Variants in COL13A1 observed in about 807,000 individuals in gnomAD.
The protein encoded by COL13A1 is collagen type XIII alpha 1 chain.
A neutral mutation model predicts 130.9 loss-of-function variants in COL13A1; 89 were observed. That is an observed-to-expected ratio of 0.68 (90% CI 0.57 to 0.81). COL13A1 has a LOEUF of 0.81. COL13A1 is among the 30% of genes least tolerant of loss of function. The pLI is 0.00. For synonymous variants in COL13A1, 402 were observed against 341.6 expected (o/e 1.18, Z -1.95); for missense variants, 879 against 934.6 (o/e 0.94, Z 0.78).
rs554891945 is a variant in COL13A1 at position 69,820,604 on chromosome 10, G to A, written c.295-1765G>A. On this transcript the variant is annotated intron_variant, in intron 1 of 40. Transcript: ENST00000645393. Reference sequence around the variant, plus strand: ...CTGGGGGCTCATTTGTTTGCCCAGCGGCCGCTCTGTGCCCACCTGTACCTT... The same window carrying A: ...CTGGGGGCTCATTTGTTTGCCCAGCAGCCGCTCTGTGCCCACCTGTACCTT... 5.3e-5 allele frequency among the ~76,000 whole-genome samples: 8 copies of A among 152,272 alleles called. No homozygotes were observed. In the South Asian group the frequency reaches 6.2e-4, roughly 12 times the overall value.
At chr10:69,815,516 G>T (rs1161757727) in intron 1 of COL13A1, among the ~76,000 whole-genome samples, 1 of 152,178 alleles carries the variant, frequency 6.6e-6, no homozygotes, top group Non-Finnish European at 1.5e-5. Context: ...CTCATCTTGG[G>T]GGTGTCTCAC....
chr10:69,853,599 A>G (rs1033162919), intron 2 of COL13A1, among the ~76,000 whole-genome samples: 7 of 152,062 alleles, frequency 4.6e-5, no homozygotes, highest in African/African-American at 1.2e-4. Context: ...AAAACAATGT[A>G]TAAAAGGAAA....
At chr10:69,943,739 T>C (rs539567709) in intron 35 of COL13A1, among the ~76,000 whole-genome samples, 1 of 151,946 alleles carries the variant, frequency 6.6e-6, no homozygotes, top group South Asian at 2.1e-4. Flanking sequence ...ATGAAGACCC[T>C]CCCGCTGCAT....
rs775866216 is a variant in COL13A1 at position 69,872,204 on chromosome 10, A to G, written c.393A>G (p.Gly131=). 4.3e-6 allele frequency: 7 copies of G among 1,613,712 alleles called. No individual in the cohort carries two copies. The South Asian group carries it at 6.6e-5, about 15-fold the overall frequency. The part of the protein sequence containing the change: ...PGPPGPTGRP[G]LPGDKGAIGM... ...TTCAGGGTCCCACTGGAAGACCCGG[A>G]CTCCCAGTAAGTCACTTTTGTTTCT... Residue 131 remains glycine, a synonymous_variant, in exon 4 of 41, where the codon GGA becomes GGG. Transcript: ENST00000645393.
At chr10:69,829,260 AC>A in intron 2 of COL13A1, 1 of 985,130 alleles carries the variant, frequency 1.0e-6, no homozygotes, top group East Asian at 1.1e-4. Context: ...CCTCCTCCAA[AC>A]CCTTCTTTAC....
intron 1 of COL13A1, among the ~76,000 whole-genome samples, chr10:69,816,396 C>T (rs1442020468): frequency 6.6e-6 from 1 of 151,322 alleles, no homozygotes; most frequent in Non-Finnish European, 1.5e-5. Flanking sequence ...TCAGTTTTGC[C>T]AGGCTAATTC....
chr10:69,950,585 C>A (rs2069373950), intron 38 of COL13A1, among the ~76,000 whole-genome samples: 1 of 152,172 alleles, frequency 6.6e-6, no homozygotes, highest in South Asian at 2.1e-4. Context: ...GGGGCTTCCC[C>A]ACCCAAATAG....
At chr10:69,813,139 G>T (rs1396140608) in intron 1 of COL13A1, among the ~76,000 whole-genome samples, 2 of 152,218 alleles carry the variant, frequency 1.3e-5, no homozygotes, top group African/African-American at 4.8e-5. Flanking sequence ...TTTGTGAAAG[G>T]CAGGAAAGGA....
At position 69,905,791 on chromosome 10, in the gene COL13A1, AC is replaced by A; in HGVS notation, c.893del (p.Pro298GlnfsTer35). The A allele has an allele frequency of 6.2e-7, 1 of 1,613,532 alleles. No individual in the cohort carries two copies. Among genetic ancestry groups the A allele is most frequent in the Non-Finnish European group, 8.5e-7 (1 of 1,179,766 alleles). ...GCCTTCTCTTTGTTTTCCCAGGGAG[AC>A]CCAGGGATCCAGGGCTACCACGGCC... Reference protein sequence around the residue: ...GLPGPPGPKGDPGIQGYHGRK... With the variant: ...GLPGPPGPKGXPGIQGYHGRK... On this transcript the variant is annotated frameshift_variant, in exon 17 of 41. Coordinates refer to ENST00000645393, the MANE Select transcript of COL13A1 (RefSeq NM_001368882.1). LOFTEE classifies it high-confidence loss of function.
chr10:69,839,638 G>A (rs866668143), intron 2 of COL13A1, among the ~76,000 whole-genome samples: 9 of 152,222 alleles, frequency 5.9e-5, no homozygotes, highest in African/African-American at 1.9e-4. Context: ...GTGTCCATGA[G>A]ATAAATTGAT....
intron 38 of COL13A1, among the ~76,000 whole-genome samples, chr10:69,949,938 G>A (rs1275535796): frequency 6.9e-6 from 1 of 144,712 alleles, no homozygotes; most frequent in Non-Finnish European, 1.6e-5. Context: ...GTTTGTGTGT[G>A]TGTGTGTGTG....
At chr10:69,928,002 G>T (rs2065600968) in intron 27 of COL13A1, among the ~76,000 whole-genome samples, 2 of 152,090 alleles carry the variant, frequency 1.3e-5, no homozygotes, top group Admixed American at 1.3e-4. Context: ...AAATACAAAA[G>T]TTAGCCAGGC....
intron 23 of COL13A1, 70 bp downstream of exon 23, chr10:69,922,864 G>T: frequency 9.3e-7 from 1 of 1,074,138 alleles, no homozygotes; most frequent in East Asian, 2.9e-5. Flanking sequence ...CTGTTCTCGG[G>T]GACTCTACGT....
chr10:69,937,202 G>T (rs4746934), intron 33 of COL13A1, among the ~76,000 whole-genome samples: 28,480 of 152,130 alleles, frequency 0.19, 3,166 homozygotes, highest in East Asian at 0.35. Context: ...GGGGCTGGGG[G>T]CTGTTGATGT....
At chr10:69,930,282 T>C in intron 29 of COL13A1, 118 bp from the exon 30 acceptor site, 1 of 1,138,652 alleles carries the variant, frequency 8.8e-7, no homozygotes, top group Non-Finnish European at 1.2e-6. Flanking sequence ...CTGGGCTGTC[T>C]CTGCCTGCCC....
chr10:69,879,728 G>A (rs959051497), intron 6 of COL13A1, among the ~76,000 whole-genome samples: 5 of 152,088 alleles, frequency 3.3e-5, no homozygotes, highest in African/African-American at 1.2e-4. Flanking sequence ...TTGAACTTAG[G>A]GACACACACA....
At chr10:69,878,208 GC>G (rs1310360013) in intron 6 of COL13A1, 143 bp downstream of exon 6, 9 of 631,128 alleles carry the variant, frequency 1.4e-5, no homozygotes, top group Non-Finnish European at 2.6e-5. Context: ...GCCTCTCACG[GC>G]CCCGTTTCCT....
intron 10 of COL13A1, 115 bp downstream of exon 10, chr10:69,889,555 G>A: frequency 7.6e-7 from 1 of 1,315,452 alleles, no homozygotes; most frequent in Non-Finnish European, 1.1e-6. Context: ...GGCTGTCCAT[G>A]CTGGTCACTC....
chr10:69,880,656 C>T, intron 7 of COL13A1, 103 bp downstream of exon 7: 1 of 1,269,724 alleles, frequency 7.9e-7, no homozygotes. Context: ...GGCTGTGCCC[C>T]TGGGTGGGGA....
Sources: allele counts gnomAD v4.1 joint callset (sites outside exome capture counted in the v4.1 genomes callset), GRCh38; gene constraint gnomAD v4.1.1; transcripts MANE v1.5; gene names NCBI Gene and HGNC (gene_info 2026-07-23, HGNC 2026-07-21).